The following ARFGEF2 variants were observed in gnomAD, a reference collection of about 807,000 sequenced individuals.
ARFGEF2 encodes the protein ARF guanine nucleotide exchange factor 2.
Under a neutral mutation model 219.9 loss-of-function variants are expected in ARFGEF2, and 74 were observed. The ratio of observed to expected loss-of-function variants is 0.34; its 90% CI spans 0.28 to 0.41. ARFGEF2 has a LOEUF of 0.41. Among genes scored for constraint, ARFGEF2 ranks in the 10% least tolerant of loss-of-function variants. ARFGEF2 has a pLI of 1.00. For missense variants in ARFGEF2, 1,743 were observed against 2,218.3 expected, an observed-to-expected ratio of 0.79 and a Z score of 4.30; for synonymous variants, 733 against 799.2, an observed-to-expected ratio of 0.92 and a Z score of 1.40.
At chr20:48,935,713 G>A (rs1255718518) in intron 1 of ARFGEF2, among the ~76,000 whole-genome samples, 4 of 150,268 alleles carry the variant, frequency 2.7e-5, no homozygotes, top group African/African-American at 4.9e-5. Flanking sequence ...GCGGCTAGCC[G>A]GGCGGGGGGC....
At chr20:48,973,435 C>T in intron 12 of ARFGEF2, 151 bp downstream of exon 12, 1 of 875,290 alleles carries the variant, frequency 1.1e-6, no homozygotes, top group Non-Finnish European at 1.8e-6. Context: ...CATGAAACGA[C>T]ATTAAAGAAG....
At chr20:48,930,518 A>G (rs1255580307) in intron 1 of ARFGEF2, among the ~76,000 whole-genome samples, 1 of 152,228 alleles carries the variant, frequency 6.6e-6, no homozygotes, top group Admixed American at 6.5e-5. Context: ...GAGCATGGGA[A>G]AGAGGATTGA....
intron 34 of ARFGEF2, among the ~76,000 whole-genome samples, chr20:49,019,693 A>C (rs2091553817): frequency 6.6e-6 from 1 of 152,214 alleles, no homozygotes; most frequent in Admixed American, 6.5e-5. Context: ...TTTTAGATGA[A>C]ATACAACTTT....
chr20:48,956,879 C>A (rs34385643), intron 6 of ARFGEF2, among the ~76,000 whole-genome samples: 19 of 152,212 alleles, frequency 1.2e-4, no homozygotes, highest in African/African-American at 4.1e-4. Flanking sequence ...CACGCCCAAC[C>A]AGGATCTTTG....
At chr20:48,998,540 A>G (rs753009974) in intron 25 of ARFGEF2, 35 bp downstream of exon 25, 95 of 1,531,880 alleles carry the variant, frequency 6.2e-5, no homozygotes, top group Admixed American at 4.1e-4. Context: ...TTCCTGTTAA[A>G]AAAAAAAAAA....
chr20:49,030,154 C>T (rs1007487047), intron 37 of ARFGEF2, among the ~76,000 whole-genome samples: 1 of 151,660 alleles, frequency 6.6e-6, no homozygotes, highest in Non-Finnish European at 1.5e-5. Flanking sequence ...GTGATCCCCC[C>T]ACCTCGGCCT....
rs576582157 is a variant in ARFGEF2, at chr20:48,988,283, G to T, written c.2277-21G>T. On this transcript the variant is annotated intron_variant, in intron 16 of 38. Coordinates refer to ENST00000371917, the MANE Select transcript of ARFGEF2 (RefSeq NM_006420.3). ...AAACCGCATCACCATGAATATTGAT[G>T]TCTCGAATTTTTTTCTCCAGGCAAA... 115 of 1,592,538 alleles carry T rather than the reference G, an allele frequency of 7.2e-5. No homozygotes were observed. The South Asian group carries it at 1.2e-3, about 17-fold the overall frequency.
In ARFGEF2 at chr20:48,989,272, TCTTA is replaced by T. The variant is rs771138647; in HGVS notation, c.2534-9_2534-6del. 9.9e-6 allele frequency: 16 copies of T among 1,614,144 alleles called. No individual in the cohort carries two copies. The East Asian group carries it at 2.7e-4, about 27-fold the overall frequency. On this transcript the variant is annotated splice_polypyrimidine_tract_variant and intron_variant, in intron 18 of 38. Transcript: ENST00000371917. ...TGACTGCTAGCCACACCTATCATGC[TCTTA>T]CTTTACAGATGTAGCTAGTGAAAAG...
intron 8 of ARFGEF2, among the ~76,000 whole-genome samples, chr20:48,967,138 A>T (rs887683605): frequency 2.0e-5 from 3 of 152,180 alleles, no homozygotes; most frequent in Non-Finnish European, 4.4e-5. Flanking sequence ...GAGCCACTGT[A>T]TCCAACCAGA....
At chr20:48,929,806 G>A (rs1032378966) in intron 1 of ARFGEF2, among the ~76,000 whole-genome samples, 27 of 152,188 alleles carry the variant, frequency 1.8e-4, no homozygotes, top group African/African-American at 6.3e-4. Flanking sequence ...CATTGTACTT[G>A]AGCAAAGAGA....
chr20:49,011,521 A>G (rs1253768117), intron 27 of ARFGEF2, among the ~76,000 whole-genome samples: 1 of 152,212 alleles, frequency 6.6e-6, no homozygotes, highest in Non-Finnish European at 1.5e-5. Flanking sequence ...AGTCGAGCCC[A>G]GAGTTAGTTT....
At position 48,958,577 on chromosome 20, in the gene ARFGEF2, C is replaced by CA. The variant is rs759854020; in HGVS notation, c.838+4788dup. On this transcript the variant is annotated intron_variant, in intron 6 of 38. Coordinates refer to ENST00000371917, the MANE Select transcript of ARFGEF2 (RefSeq NM_006420.3). ...TCAGCCTCCCGAGTAGCTGGGACTA[C>CA]AGGAGCCCGCCACTACGCCTGGCTA... 1.1e-4 allele frequency among the ~76,000 whole-genome samples: 16 copies of CA among 151,560 alleles called. 1 individual carries two copies. The highest frequency in any genetic ancestry group is 8.4e-4 in the South Asian group (4 of 4,782).
rs774333258 is a variant in ARFGEF2 at position 49,016,381 on chromosome 20, T to A, written c.4281T>A (p.Asp1427Glu). The A allele has an allele frequency of 6.2e-7, 1 of 1,613,782 alleles. No individual in the cohort carries two copies. The highest frequency in any genetic ancestry group is 8.5e-7 in the Non-Finnish European group (1 of 1,179,968). ...YEALNEVLLS[D>E]VFAQLQWCVK... ...CTTTGAATGAAGTTCTTCTTTCTGA[T>A]GTATTTGCACAATTGCAGTGGTGTG... Residue 1427 changes from aspartate to glutamate, a missense_variant, in exon 31 of 39, where the codon GAT (aspartate) becomes GAA (glutamate). Physicochemically the swap from Asp to Glu is conservative, Grantham distance 45. This residue lies in a region of ARFGEF2 where 578 missense variants were observed against 664.0 expected (regional missense o/e 0.87). Coordinates refer to ENST00000371917, the MANE Select transcript of ARFGEF2 (RefSeq NM_006420.3).
At chr20:48,972,678 C>T (rs1274715988) in intron 11 of ARFGEF2, among the ~76,000 whole-genome samples, 9 of 152,182 alleles carry the variant, frequency 5.9e-5, no homozygotes, top group Admixed American at 5.9e-4. Flanking sequence ...AACTGGGACA[C>T]TTGGTTACGT....
At chr20:48,984,866 C>T (rs752728599) in intron 15 of ARFGEF2, 26 bp downstream of exon 15, 3 of 1,612,044 alleles carry the variant, frequency 1.9e-6, no homozygotes, top group African/African-American at 1.3e-5. Context: ...GTAGCACTTG[C>T]ATGTGAGTTC....
intron 15 of ARFGEF2, 90 bp downstream of exon 15, chr20:48,984,930 A>T (rs2091317973): frequency 6.2e-6 from 10 of 1,600,954 alleles, no homozygotes; most frequent in Non-Finnish European, 8.5e-6. Context: ...GTCTGGCCCT[A>T]AGTACATTGT....
intron 35 of ARFGEF2, among the ~76,000 whole-genome samples, chr20:49,024,912 C>G (rs2091592603): frequency 6.6e-6 from 1 of 152,198 alleles, no homozygotes; most frequent in Non-Finnish European, 1.5e-5. Flanking sequence ...AGGAGAATCA[C>G]TTGAACCCGG....
At chr20:49,005,737 C>CAAAAAAAAAAAAA (rs56730863) in intron 26 of ARFGEF2, among the ~76,000 whole-genome samples, 2 of 62,214 alleles carry the variant, frequency 3.2e-5, no homozygotes, top group Non-Finnish European at 6.4e-5. Context: ...GACTCCGTCT[C>CAAAAAAAAAAAAA]AAAAAAAAAA....
At chr20:49,008,448 A>C (rs1273825499) in intron 26 of ARFGEF2, among the ~76,000 whole-genome samples, 1 of 151,970 alleles carries the variant, frequency 6.6e-6, no homozygotes, top group Non-Finnish European at 1.5e-5. Context: ...CTGTAGTCCC[A>C]GCTACTCAGG....
Sources: gnomAD v4.1 joint callset for allele counts (sites outside exome capture counted in the v4.1 genomes callset) on GRCh38, gnomAD v4.1.1 for gene constraint, gnomAD v4.1.1 regional missense constraint, MANE v1.5 for transcripts, NCBI Gene and HGNC (gene_info 2026-07-23, HGNC 2026-07-21) for gene names.